CENPP: variants seen among roughly 807,000 people sequenced by gnomAD.
The protein encoded by CENPP is centromere protein P.
In CENPP, 24 loss-of-function variants were observed where a neutral mutation model predicts 35.6. The observed-to-expected ratio is 0.67, with a 90% confidence interval of 0.49 to 0.95. The LOEUF is 0.95. Among genes scored for constraint, CENPP ranks in the 40% least tolerant of loss-of-function variants. The pLI, the probability that CENPP is intolerant of heterozygous loss-of-function variation, is 0.00. For synonymous variants in CENPP, 120 were observed against 125.5 expected, an observed-to-expected ratio of 0.96 and a Z score of 0.29; for missense variants, 332 against 345.3, an observed-to-expected ratio of 0.96 and a Z score of 0.31.
intron 5 of CENPP, among the ~76,000 whole-genome samples, chr9:92,451,064 G>C (rs989969600): frequency 1.3e-5 from 2 of 150,766 alleles, no homozygotes; most frequent in Non-Finnish European, 3.0e-5. Context: ...CACTCTGATG[G>C]TAGTTTCTTT....
intron 3 of CENPP, among the ~76,000 whole-genome samples, chr9:92,343,502 A>G (rs1474510505): frequency 6.6e-6 from 1 of 152,252 alleles, no homozygotes; most frequent in African/African-American, 2.4e-5. Flanking sequence ...TGAAATGAAC[A>G]AAATTATTCA....
At chr9:92,457,431 G>T in intron 5 of CENPP, 1 of 1,613,626 alleles carries the variant, frequency 6.2e-7, no homozygotes, top group Non-Finnish European at 8.5e-7. Flanking sequence ...GGCACTGTTG[G>T]ACAGAAGTCA....
chr9:92,463,989 T>C (rs1845210157), intron 5 of CENPP, among the ~76,000 whole-genome samples: 1 of 152,232 alleles, frequency 6.6e-6, no homozygotes, highest in Admixed American at 6.5e-5. Context: ...TTTATTGATC[T>C]TCTGGATCAG....
chr9:92,335,623 C>T (rs1287585578), intron 2 of CENPP, among the ~76,000 whole-genome samples: 1 of 151,626 alleles, frequency 6.6e-6, no homozygotes, highest in Non-Finnish European at 1.5e-5. Context: ...GTTGATCCAG[C>T]ACCTTTTGTT....
chr9:92,604,036 G>GT (rs1262707936), intron 5 of CENPP, among the ~76,000 whole-genome samples: 6 of 152,176 alleles, frequency 3.9e-5, no homozygotes, highest in African/African-American at 7.2e-5. Context: ...TTTGCATGCA[G>GT]TTTTTTTGTA....
chr9:92,397,942 T>C (rs558718275), intron 5 of CENPP, among the ~76,000 whole-genome samples: 4 of 152,218 alleles, frequency 2.6e-5, no homozygotes, highest in Non-Finnish European at 4.4e-5. Flanking sequence ...GAGTTAATAG[T>C]AGTATCTTCT....
intron 5 of CENPP, among the ~76,000 whole-genome samples, chr9:92,562,226 T>G (rs1340496364): frequency 6.8e-6 from 1 of 147,838 alleles, no homozygotes; most frequent in Non-Finnish European, 1.5e-5. Context: ...TTTTTTGAGA[T>G]GGAGTTTTGC....
At chr9:92,348,112 CTTTT>C (rs11353028) in intron 4 of CENPP, among the ~76,000 whole-genome samples, 2 of 125,228 alleles carry the variant, frequency 1.6e-5, no homozygotes, top group East Asian at 2.4e-4. Context: ...TTCTTTCTTT[CTTTT>C]TTTTTTTTTT....
At chr9:92,503,444 A>G (rs1846810233) in intron 5 of CENPP, among the ~76,000 whole-genome samples, 1 of 152,182 alleles carries the variant, frequency 6.6e-6, no homozygotes, top group Admixed American at 6.5e-5. Flanking sequence ...TGTGGTCTAT[A>G]ATATTTTAGG....
At chr9:92,380,967 G>A (rs998926534) in intron 5 of CENPP, among the ~76,000 whole-genome samples, 5 of 152,148 alleles carry the variant, frequency 3.3e-5, no homozygotes, top group African/African-American at 1.2e-4. Flanking sequence ...GCTTCTAGGA[G>A]CTGGTCTTTG....
intron 5 of CENPP, among the ~76,000 whole-genome samples, chr9:92,525,804 C>T (rs1003904964): frequency 4.0e-5 from 6 of 150,088 alleles, no homozygotes; most frequent in African/African-American, 1.5e-4. Context: ...ACAGAAGAAT[C>T]GCTTAAACCC....
chr9:92,545,742 G>A (rs1170220207), intron 5 of CENPP, among the ~76,000 whole-genome samples: 1 of 152,210 alleles, frequency 6.6e-6, no homozygotes, highest in Non-Finnish European at 1.5e-5. Flanking sequence ...TGGGGATTTG[G>A]AGAACCTTTA....
chr9:92,578,587 A>G (rs1420121519), intron 5 of CENPP, among the ~76,000 whole-genome samples: 2 of 152,212 alleles, frequency 1.3e-5, no homozygotes, highest in African/African-American at 2.4e-5. Flanking sequence ...TGTTGGCTGC[A>G]TAAATGTCTT....
intron 5 of CENPP, among the ~76,000 whole-genome samples, chr9:92,520,394 A>C (rs1434126850): frequency 2.6e-5 from 4 of 152,124 alleles, no homozygotes; most frequent in Admixed American, 2.6e-4. Flanking sequence ...GTTGTTAGGG[A>C]AATGCAAATC....
chr9:92,567,393 T>TATATATATAGATAG (rs1554688302), intron 5 of CENPP, among the ~76,000 whole-genome samples: 1 of 124,924 alleles, frequency 8.0e-6, no homozygotes, highest in Non-Finnish European at 1.6e-5. Context: ...TATATATATA[T>TATATATATAGATAG]ATAGATATAT....
rs144079283 is a variant in CENPP, at chr9:92,470,675, T to A, written c.564+90816T>A. On this transcript the variant is annotated intron_variant, in intron 5 of 7. Coordinates refer to ENST00000375587, the MANE Select transcript of CENPP (RefSeq NM_001012267.3). ...TATGAGGATATATTCTTACATAAAGTGAAGTGAGTCCTTTAAAATCATTTT... is the reference window on the plus strand; with the variant it reads ...TATGAGGATATATTCTTACATAAAGAGAAGTGAGTCCTTTAAAATCATTTT... 651 of 1,476,116 alleles carry A rather than the reference T, an allele frequency of 4.4e-4. 2 individuals are homozygous for A. In the East Asian group the frequency reaches 8.4e-3, roughly 19 times the overall value. The allele number at this position is 1,476,116 out of a possible 1,614,324, so 91.4% of individuals were successfully genotyped here.
At chr9:92,335,132 C>T (rs906213578) in intron 2 of CENPP, among the ~76,000 whole-genome samples, 4 of 151,670 alleles carry the variant, frequency 2.6e-5, no homozygotes, top group South Asian at 2.1e-4. Context: ...CCAGCCTGGG[C>T]GACAGAACGA....
At chr9:92,572,261 G>A (rs1252928769) in intron 5 of CENPP, among the ~76,000 whole-genome samples, 1 of 152,116 alleles carries the variant, frequency 6.6e-6, no homozygotes, top group African/African-American at 2.4e-5. Context: ...GCTTCCTTCA[G>A]GAGCTCTTGT....
At chr9:92,342,489 C>T (rs542327106) in intron 3 of CENPP, among the ~76,000 whole-genome samples, 1 of 152,360 alleles carries the variant, frequency 6.6e-6, no homozygotes, top group East Asian at 1.9e-4. Context: ...TGTTTTGGGA[C>T]TGATTGGTTT....
Sources: allele counts gnomAD v4.1 joint callset (sites outside exome capture counted in the v4.1 genomes callset), GRCh38; gene constraint gnomAD v4.1.1; transcripts MANE v1.5; gene names NCBI Gene and HGNC (gene_info 2026-07-23, HGNC 2026-07-21).